The following SHISA9 variants were observed in gnomAD, a reference collection of about 807,000 sequenced individuals.
The protein encoded by SHISA9 is shisa family member 9, also known as protein shisa-9.
In SHISA9, 13 loss-of-function variants were observed where a neutral mutation model predicts 38.0. The observed-to-expected ratio is 0.34, with a 90% CI of 0.22 to 0.54. The LOEUF (loss-of-function observed/expected upper bound fraction) is 0.54. Among genes scored for constraint, SHISA9 ranks in the 20% least tolerant of loss-of-function variants. The pLI is 0.91. For synonymous variants in SHISA9, 275 were observed against 242.0 expected (o/e 1.14, Z -1.27); for missense variants, 538 against 575.8 (o/e 0.93, Z 0.67).
chr16:13,196,965 A>C (rs1442466143), intron 2 of SHISA9, among the ~76,000 whole-genome samples: 1 of 152,254 alleles, frequency 6.6e-6, no homozygotes, highest in South Asian at 2.1e-4. Context: ...ATGGTGGTTC[A>C]CACCTGTAAT....
intron 1 of SHISA9, among the ~76,000 whole-genome samples, chr16:12,916,003 G>T (rs1310475776): frequency 7.6e-6 from 1 of 131,272 alleles, no homozygotes; most frequent in African/African-American, 2.7e-5. Context: ...TTTTGTGTGT[G>T]TGTGTGTGTT....
intron 4 of SHISA9, among the ~76,000 whole-genome samples, chr16:13,232,880 C>T (rs2051345396): frequency 6.6e-6 from 1 of 152,078 alleles, no homozygotes; most frequent in Non-Finnish European, 1.5e-5. Context: ...ACAAATGTTT[C>T]CTATTTAGAC....
chr16:13,113,810 C>A (rs1157394783), intron 2 of SHISA9, among the ~76,000 whole-genome samples: 5 of 152,170 alleles, frequency 3.3e-5, no homozygotes, highest in African/African-American at 1.2e-4. Context: ...AGGCCTGTAT[C>A]TCAGGGACAA....
At chr16:13,002,116 C>T (rs937063068) in intron 2 of SHISA9, among the ~76,000 whole-genome samples, 6 of 152,212 alleles carry the variant, frequency 3.9e-5, no homozygotes, top group African/African-American at 1.2e-4. Context: ...ACCTGACTTA[C>T]AGCAATAACA....
the SHISA9 span, among the ~76,000 whole-genome samples, chr16:13,496,637 G>A: frequency 3.3e-5 from 5 of 151,940 alleles, no homozygotes; most frequent in African/African-American, 9.7e-5. Flanking sequence ...AACAAAATGA[G>A]CTGGAAAAAA....
chr16:12,930,971 T>G (rs2071454388), intron 2 of SHISA9, among the ~76,000 whole-genome samples: 1 of 152,150 alleles, frequency 6.6e-6, no homozygotes, highest in Admixed American at 6.5e-5. Context: ...ACCTACTCTT[T>G]GACTTTGAAT....
chr16:13,164,677 GAT>G (rs1275403319), intron 2 of SHISA9, among the ~76,000 whole-genome samples: 1 of 151,974 alleles, frequency 6.6e-6, no homozygotes, highest in Admixed American at 6.6e-5. Flanking sequence ...CACACATTTC[GAT>G]ATGTTACATT....
chr16:12,959,510 A>C (rs1362780510), intron 2 of SHISA9, among the ~76,000 whole-genome samples: 1 of 152,004 alleles, frequency 6.6e-6, no homozygotes, highest in Admixed American at 6.6e-5. Context: ...AAAAGAAAAA[A>C]CTCAGGGCAG....
chr16:12,993,807 G>A (rs1346051464), intron 2 of SHISA9, among the ~76,000 whole-genome samples: 1 of 152,172 alleles, frequency 6.6e-6, no homozygotes, highest in Non-Finnish European at 1.5e-5. Context: ...GTTAAGTTGA[G>A]ATCTGGAAGG....
At chr16:13,021,704 G>C (rs998132151) in intron 2 of SHISA9, among the ~76,000 whole-genome samples, 9 of 152,194 alleles carry the variant, frequency 5.9e-5, no homozygotes, top group African/African-American at 2.2e-4. Flanking sequence ...AATTTCCTCT[G>C]AATCTCTAGG....
intron 2 of SHISA9, among the ~76,000 whole-genome samples, chr16:12,948,143 A>G (rs60459800): frequency 0.031 from 4,768 of 152,282 alleles, 258 homozygotes; most frequent in African/African-American, 0.11. Context: ...TGCGTCTATG[A>G]TATCTATGCC....
chr16:13,443,235 C>T, the SHISA9 span, among the ~76,000 whole-genome samples: 1 of 152,174 alleles, frequency 6.6e-6, no homozygotes, highest in Non-Finnish European at 1.5e-5. Context: ...GTTGATGGTT[C>T]AATGTGACTT....
chr16:13,119,221 G>C (rs2074062185), intron 2 of SHISA9, among the ~76,000 whole-genome samples: 1 of 152,178 alleles, frequency 6.6e-6, no homozygotes, highest in Non-Finnish European at 1.5e-5. Context: ...GAGGGAGCGA[G>C]ATCTGCAGCT....
chr16:13,474,312 C>G, the SHISA9 span: 2 of 152,134 alleles, frequency 1.3e-5, no homozygotes, highest in Non-Finnish European at 2.9e-5. Flanking sequence ...GTGGTTTTGA[C>G]AGAATTGATA....
the SHISA9 span, among the ~76,000 whole-genome samples, chr16:13,369,661 A>T: frequency 6.6e-6 from 1 of 152,140 alleles, no homozygotes; most frequent in Non-Finnish European, 1.5e-5. Context: ...CAACTGCATC[A>T]TAATGAGCAG....
the SHISA9 span, among the ~76,000 whole-genome samples, chr16:13,338,498 G>A: frequency 6.6e-6 from 1 of 152,154 alleles, no homozygotes; most frequent in Non-Finnish European, 1.5e-5. Flanking sequence ...AGGAAGAGGA[G>A]ACATCATAGA....
At position 12,902,270 on chromosome 16, in the gene SHISA9, C is replaced by T. The variant is rs1210913976; in HGVS notation, c.206C>T (p.Pro69Leu). ...TCGGACGCGCCCCCGACCCGGGCGCCCACGCCGGACTTCTGCCGGGGCTAC... is the reference window on the plus strand; with the variant it reads ...TCGGACGCGCCCCCGACCCGGGCGCTCACGCCGGACTTCTGCCGGGGCTAC... ...EASDAPPTRA[P>L]TPDFCRGYFD... is the part of the protein sequence containing the mutation. Residue 69 changes from proline to leucine, a missense_variant, in exon 1 of 5, where the codon CCC (proline) becomes CTC (leucine). By Grantham distance (98) the Pro-to-Leu change is moderately conservative (BLOSUM62 -3). This residue lies in a region of SHISA9 where 107 missense variants were observed against 103.0 expected (regional missense o/e 1.04). Coordinates refer to ENST00000558583, the MANE Select transcript of SHISA9 (RefSeq NM_001145204.3). 2 of 1,548,614 alleles carry T rather than the reference C, an allele frequency of 1.3e-6. No homozygotes were observed. Among genetic ancestry groups the T allele is most frequent in the African/African-American group, 2.7e-5 (2 of 73,182 alleles).
At chr16:13,136,057 A>G (rs1038212023) in intron 2 of SHISA9, among the ~76,000 whole-genome samples, 1 of 152,192 alleles carries the variant, frequency 6.6e-6, no homozygotes, top group African/African-American at 2.4e-5. Context: ...ACGCTGAAGC[A>G]TATGCTATTC....
At chr16:13,144,244 C>G (rs1432096486) in intron 2 of SHISA9, among the ~76,000 whole-genome samples, 1 of 151,430 alleles carries the variant, frequency 6.6e-6, no homozygotes, top group Non-Finnish European at 1.5e-5. Context: ...CCTCTGTCTC[C>G]TGGGTTCAAG....
Sources: gnomAD v4.1 joint callset for allele counts (sites outside exome capture counted in the v4.1 genomes callset) on GRCh38, gnomAD v4.1.1 for gene constraint, gnomAD v4.1.1 regional missense constraint, MANE v1.5 for transcripts, NCBI Gene and HGNC (gene_info 2026-07-23, HGNC 2026-07-21) for gene names.